The following CLMP variants were observed in gnomAD, a reference collection of about 807,000 sequenced individuals.
CLMP encodes CXADR like cell adhesion molecule.
In CLMP, 27 loss-of-function variants were observed where a neutral mutation model predicts 45.2. The observed-to-expected ratio is 0.60, with a 90% CI of 0.44 to 0.82. CLMP has a LOEUF of 0.82. Ranked by LOEUF, CLMP falls within the 40% of genes least tolerant of loss-of-function variation. CLMP has a pLI of 0.00. For synonymous variants in CLMP, 167 were observed against 171.4 expected, an observed-to-expected ratio of 0.97 and a Z score of 0.20; for missense variants, 403 against 448.4, an observed-to-expected ratio of 0.90 and a Z score of 0.91.
At chr11:123,131,960 G>A (rs1197706248) in intron 1 of CLMP, among the ~76,000 whole-genome samples, 1 of 152,270 alleles carries the variant, frequency 6.6e-6, no homozygotes, top group Non-Finnish European at 1.5e-5. Context: ...TCTATAAAAT[G>A]AGCCATCTTT....
At chr11:123,089,097 A>C in intron 2 of CLMP, among the ~76,000 whole-genome samples, 1 of 152,210 alleles carries the variant, frequency 6.6e-6, no homozygotes, top group Non-Finnish European at 1.5e-5. Flanking sequence ...ACATTAAGAA[A>C]TACATTTTTC....
At chr11:123,118,326 G>A (rs1400064920) in intron 1 of CLMP, among the ~76,000 whole-genome samples, 1 of 152,072 alleles carries the variant, frequency 6.6e-6, no homozygotes, top group Non-Finnish European at 1.5e-5. Flanking sequence ...ATAGAGACAA[G>A]GTTTCAACAT....
intron 2 of CLMP, among the ~76,000 whole-genome samples, chr11:123,085,595 T>TAAAAA (rs35921171): frequency 4.9e-5 from 4 of 82,102 alleles, no homozygotes; most frequent in East Asian, 3.6e-4. Context: ...GCTACAAAGA[T>TAAAAA]AAAAAAAAAA....
In CLMP at chr11:123,083,675, C is replaced by G; in HGVS notation, c.556+5G>C. On this transcript the variant is annotated splice_donor_5th_base_variant and intron_variant, in intron 4 of 6. Coordinates refer to ENST00000448775, the MANE Select transcript of CLMP (RefSeq NM_024769.5). ...GCTCAATAGATTGGTAGGAAGATGA[C>G]TTACCAATCCTAGATTTGGGAGGCA... 6.2e-7 allele frequency: 1 copy of G among 1,613,980 alleles called. No homozygotes were observed. Among genetic ancestry groups the G allele is most frequent in the South Asian group, 1.1e-5 (1 of 91,088 alleles).
intron 2 of CLMP, among the ~76,000 whole-genome samples, chr11:123,096,683 TATAATAGTGATCCTGAA>T (rs2135479601): frequency 6.6e-6 from 1 of 152,360 alleles, no homozygotes; most frequent in East Asian, 1.9e-4. Context: ...CAAGTTACAC[TATAATAGTGATCCTGAA>T]ATCTGTTTTC....
intron 1 of CLMP, among the ~76,000 whole-genome samples, chr11:123,172,626 C>T (rs564254111): frequency 1.7e-4 from 26 of 152,128 alleles, no homozygotes; most frequent in Admixed American, 1.4e-3. Context: ...GGACTATAGT[C>T]GTGAGCCACT....
chr11:123,106,898 T>C (rs1371976223), intron 1 of CLMP, among the ~76,000 whole-genome samples: 1 of 151,698 alleles, frequency 6.6e-6, no homozygotes, highest in Non-Finnish European at 1.5e-5. Context: ...TGGGCGCCTG[T>C]AGTCCCAGCT....
chr11:123,157,464 A>G (rs187796677), intron 1 of CLMP, among the ~76,000 whole-genome samples: 1 of 152,290 alleles, frequency 6.6e-6, no homozygotes, highest in Non-Finnish European at 1.5e-5. Context: ...GAGGCAGGCA[A>G]ATCACTTGAA....
At chr11:123,120,648 T>C (rs1254759410) in intron 1 of CLMP, among the ~76,000 whole-genome samples, 7 of 152,266 alleles carry the variant, frequency 4.6e-5, no homozygotes, top group African/African-American at 1.4e-4. Flanking sequence ...GTCTGAAACA[T>C]AGTAAATGTT....
chr11:123,075,970 C>T lies in CLMP; in HGVS notation c.680-1127G>A, dbSNP rs150654096. ...GGCGGATCACTTGAGGTCAGGAGTT[C>T]GAGACCGGCCTGGCCAACATGGCAA... is the stretch of plus-strand genomic sequence containing the variant. On this transcript the variant is annotated intron_variant, in intron 5 of 6. Coordinates refer to ENST00000448775, the MANE Select transcript of CLMP (RefSeq NM_024769.5). Among the ~76,000 whole-genome samples, 1,294 of 152,106 alleles carry T rather than the reference C, an allele frequency of 8.5e-3. 17 individuals are homozygous for T. Among genetic ancestry groups the T allele is most frequent in the African/African-American group, 0.03 (1,230 of 41,516 alleles).
chr11:123,180,788 A>T (rs1423230580), intron 1 of CLMP, among the ~76,000 whole-genome samples: 1 of 152,154 alleles, frequency 6.6e-6, no homozygotes, highest in East Asian at 1.9e-4. Context: ...CCATCTGGGG[A>T]AAGAGCATTC....
In CLMP at chr11:123,187,686, C is replaced by CT. The variant is rs201542342; in HGVS notation, c.28+7226dup. Reference sequence around the variant, plus strand: ...ATTCACAGATACATTTTTTTTCTTTCTTTTTTTTAGAAAACATCCCATGAG... The same window carrying CT: ...ATTCACAGATACATTTTTTTTCTTTCTTTTTTTTTAGAAAACATCCCATGAG... On this transcript the variant is annotated intron_variant, in intron 1 of 6. Coordinates refer to ENST00000448775, the MANE Select transcript of CLMP (RefSeq NM_024769.5). 1.0e-2 allele frequency among the ~76,000 whole-genome samples: 1,514 copies of CT among 151,760 alleles called. 17 individuals are homozygous for CT. Among genetic ancestry groups the CT allele is most frequent in the African/African-American group, 0.029 (1,216 of 41,400 alleles).
intron 1 of CLMP, among the ~76,000 whole-genome samples, chr11:123,118,961 CTTTCTTTCTTTCTTTCTT>C (rs1860760252): frequency 2.5e-5 from 1 of 39,686 alleles, no homozygotes; most frequent in African/African-American, 1.0e-4. Flanking sequence ...TTCTTTCTTT[CTTTCTTTCTTTCTTTCTT>C]TCTTTCTTTC....
intron 1 of CLMP, among the ~76,000 whole-genome samples, chr11:123,116,841 T>C (rs551094081): frequency 1.3e-5 from 2 of 152,344 alleles, no homozygotes; most frequent in South Asian, 4.1e-4. Context: ...TTGAGTTTTA[T>C]TATGCAGAAT....
At chr11:123,103,846 T>G (rs983695831) in intron 1 of CLMP, among the ~76,000 whole-genome samples, 19 of 148,078 alleles carry the variant, frequency 1.3e-4, no homozygotes, top group African/African-American at 4.4e-4. Flanking sequence ...TTTTTTTTTT[T>G]TGAGACAGAG....
chr11:123,134,726 T>C (rs1200005330), intron 1 of CLMP, among the ~76,000 whole-genome samples: 6 of 151,842 alleles, frequency 4.0e-5, no homozygotes, highest in Admixed American at 1.3e-4. Flanking sequence ...AAGAATCGCT[T>C]GAACCCAGGA....
At chr11:123,148,139 T>A (rs946953299) in intron 1 of CLMP, among the ~76,000 whole-genome samples, 1 of 152,208 alleles carries the variant, frequency 6.6e-6, no homozygotes, top group Non-Finnish European at 1.5e-5. Context: ...ATTAAGTAAG[T>A]TAACATGTGT....
intron 1 of CLMP, among the ~76,000 whole-genome samples, chr11:123,111,088 G>A (rs77669620): frequency 0.1 from 15,540 of 151,950 alleles, 884 homozygotes; most frequent in East Asian, 0.16. Context: ...AAATACTGTC[G>A]GTGTATTTTG....
intron 3 of CLMP, among the ~76,000 whole-genome samples, chr11:123,084,292 A>T (rs1252619627): frequency 1.8e-4 from 27 of 152,214 alleles, no homozygotes; most frequent in Admixed American, 1.8e-3. Flanking sequence ...TATGTTTTGT[A>T]ATGGACAACT....
Sources: allele counts gnomAD v4.1 joint callset (sites outside exome capture counted in the v4.1 genomes callset), GRCh38; gene constraint gnomAD v4.1.1; transcripts MANE v1.5; gene names NCBI Gene and HGNC (gene_info 2026-07-23, HGNC 2026-07-21).